L3MBTL4: variants seen among roughly 807,000 people sequenced by gnomAD.
L3MBTL4 encodes the protein L3MBTL histone methyl-lysine binding protein 4, also known as lethal(3)malignant brain tumor-like protein 4.
In L3MBTL4, 70 loss-of-function variants were observed where a neutral mutation model predicts 84.5. The ratio of observed to expected loss-of-function variants is 0.83; its 90% CI spans 0.68 to 1.01. The LOEUF is 1.01. L3MBTL4 is among the 50% of genes least tolerant of loss of function. The pLI is 0.00. For synonymous variants in L3MBTL4, 274 were observed against 259.8 expected (o/e 1.05, Z -0.52); for missense variants, 715 against 754.8 (o/e 0.95, Z 0.62).
At chr18:6,286,419 A>T (rs1047541724) in intron 4 of L3MBTL4, among the ~76,000 whole-genome samples, 1 of 151,638 alleles carries the variant, frequency 6.6e-6, no homozygotes, top group Non-Finnish European at 1.5e-5. Context: ...AGCCGAGATC[A>T]CGCCACTGCA....
chr18:6,323,454 G>A (rs11663886), intron 1 of L3MBTL4, among the ~76,000 whole-genome samples: 30,595 of 152,182 alleles, frequency 0.2, 3,955 homozygotes, highest in African/African-American at 0.37. Flanking sequence ...TGAAGTACAA[G>A]CTGAGGAGAT....
rs145021780 is a variant in L3MBTL4, at chr18:6,052,400, T to G, written c.1444+28481A>C. 3.5e-3 allele frequency among the ~76,000 whole-genome samples: 528 copies of G among 152,332 alleles called. 6 individuals are homozygous for G. Among genetic ancestry groups the G allele is most frequent in the African/African-American group, 0.012 (482 of 41,574 alleles). ...TGTTCAGCATTTTTCAGTATCAAAT[T>G]AATTACACATTTTCAGAATATGGCA... On this transcript the variant is annotated intron_variant, in intron 16 of 18. Transcript: ENST00000317931.
At chr18:6,238,593 T>C (rs1012534860) in intron 9 of L3MBTL4, among the ~76,000 whole-genome samples, 1 of 151,906 alleles carries the variant, frequency 6.6e-6, no homozygotes, top group Non-Finnish European at 1.5e-5. Context: ...CTGCCAGTGA[T>C]GTTCCCAAAA....
intron 4 of L3MBTL4, among the ~76,000 whole-genome samples, chr18:6,274,256 G>A (rs116400973): frequency 0.015 from 2,299 of 152,288 alleles, 68 homozygotes; most frequent in African/African-American, 0.053. Context: ...GTGGGCCTCT[G>A]CTGAATCAAA....
chr18:5,993,667 T>C lies in L3MBTL4; in HGVS notation c.1445-24105A>G, dbSNP rs1303748025. ...CACTAAGAGATCCTTCAAGCAAAAA[T>C]TTTACAAAATTATGCATTATAATAA... On this transcript the variant is annotated intron_variant, in intron 16 of 18. Transcript: ENST00000317931. Among the ~76,000 whole-genome samples, 4 of 151,390 alleles carry C rather than the reference T, an allele frequency of 2.6e-5. No homozygotes were observed. In the East Asian group the frequency reaches 7.9e-4, roughly 30 times the overall value.
intron 16 of L3MBTL4, among the ~76,000 whole-genome samples, chr18:6,004,129 T>C (rs766879229): frequency 6.6e-6 from 1 of 152,104 alleles, no homozygotes; most frequent in Non-Finnish European, 1.5e-5. Context: ...GGCAAAACTT[T>C]AGCTAGATTG....
intron 16 of L3MBTL4, among the ~76,000 whole-genome samples, chr18:5,973,710 C>T (rs2052764142): frequency 6.6e-6 from 1 of 152,118 alleles, no homozygotes; most frequent in South Asian, 2.1e-4. Context: ...TAAATGGAGC[C>T]TTCCAGATTT....
At chr18:6,129,118 T>C (rs529382983) in intron 14 of L3MBTL4, among the ~76,000 whole-genome samples, 6 of 152,082 alleles carry the variant, frequency 3.9e-5, no homozygotes, top group African/African-American at 1.2e-4. Flanking sequence ...CCCACAGGCC[T>C]CAATTAAAAG....
At chr18:6,264,126 G>A (rs1378641768) in intron 4 of L3MBTL4, 88 bp from the exon 5 acceptor site, 2 of 952,180 alleles carry the variant, frequency 2.1e-6, no homozygotes, top group Non-Finnish European at 3.3e-6. Flanking sequence ...CAAGAAGCAG[G>A]CTAATTAGTT....
chr18:6,411,617 C>G (rs1443003713), intron 1 of L3MBTL4, among the ~76,000 whole-genome samples: 1 of 152,178 alleles, frequency 6.6e-6, no homozygotes, highest in African/African-American at 2.4e-5. Context: ...TTTTCCTCCC[C>G]CTCAGACCAC....
intron 4 of L3MBTL4, among the ~76,000 whole-genome samples, chr18:6,271,257 A>G (rs2146470522): frequency 6.6e-6 from 1 of 152,338 alleles, no homozygotes; most frequent in South Asian, 2.1e-4. Context: ...CTGCAAAAAC[A>G]TGTTAAGTAT....
chr18:6,016,057 G>A (rs994760023), intron 16 of L3MBTL4, among the ~76,000 whole-genome samples: 7 of 152,214 alleles, frequency 4.6e-5, no homozygotes, highest in African/African-American at 1.7e-4. Flanking sequence ...TGGATGGTCA[G>A]GGCAGGCCTC....
rs2095218372 is a variant in L3MBTL4 at position 5,954,886 on chromosome 18, C to A, written c.*1334G>T. ...ATTAAAATTCCTTTTAGGTAAAGAT[C>A]TAAAGAAATGTTATATATGCACACC... On this transcript the variant is annotated 3_prime_UTR_variant, in exon 19 of 19. Transcript: ENST00000317931. 6.6e-6 allele frequency: 1 copy of A among 152,034 alleles called. No homozygotes were observed. The highest frequency in any genetic ancestry group is 2.1e-4 in the South Asian group (1 of 4,812). The allele number at this position is 152,034 out of a possible 1,614,324, so 9.4% of individuals were successfully genotyped here.
chr18:6,094,264 A>G (rs1176917692), intron 14 of L3MBTL4, among the ~76,000 whole-genome samples: 1 of 152,204 alleles, frequency 6.6e-6, no homozygotes. Flanking sequence ...CTGTCTCCAA[A>G]GAGGCCCCAA....
intron 13 of L3MBTL4, among the ~76,000 whole-genome samples, chr18:6,161,249 C>CA (rs1423419446): frequency 6.6e-6 from 1 of 152,168 alleles, no homozygotes; most frequent in Non-Finnish European, 1.5e-5. Context: ...AATCTGGCAG[C>CA]AGGGTACCAG....
intron 12 of L3MBTL4, among the ~76,000 whole-genome samples, chr18:6,189,435 A>G (rs1016726206): frequency 9.9e-5 from 15 of 152,214 alleles, no homozygotes; most frequent in Non-Finnish European, 2.9e-5. Flanking sequence ...AAGAAAAGGC[A>G]CGGCCCTTTC....
intron 1 of L3MBTL4, among the ~76,000 whole-genome samples, chr18:6,394,483 AAATAAT>A (rs2055191047): frequency 6.6e-6 from 1 of 152,034 alleles, no homozygotes; most frequent in African/African-American, 2.4e-5. Context: ...ATAAAATAAA[AAATAAT>A]AAAAGAAAAC....
intron 16 of L3MBTL4, among the ~76,000 whole-genome samples, chr18:6,051,261 G>T (rs536723539): frequency 1.3e-5 from 2 of 152,210 alleles, no homozygotes; most frequent in Non-Finnish European, 2.9e-5. Context: ...GCAGCAGGCC[G>T]GGCGCAGTGG....
intron 1 of L3MBTL4, among the ~76,000 whole-genome samples, chr18:6,409,520 A>G (rs939384724): frequency 3.3e-5 from 5 of 152,136 alleles, no homozygotes; most frequent in African/African-American, 1.2e-4. Flanking sequence ...AATGCAGACC[A>G]TCTGATCAGG....
Sources: allele counts gnomAD v4.1 joint callset (sites outside exome capture counted in the v4.1 genomes callset), GRCh38; gene constraint gnomAD v4.1.1; transcripts MANE v1.5; gene names NCBI Gene and HGNC (gene_info 2026-07-23, HGNC 2026-07-21).